Variants in MYBPC3 observed in about 807,000 individuals in gnomAD.
MYBPC3 encodes myosin binding protein C3, also known as myosin-binding protein C, cardiac-type.
Under a neutral mutation model 159.3 loss-of-function variants are expected in MYBPC3, and 108 were observed. The observed-to-expected ratio is 0.68, with a 90% CI of 0.58 to 0.80. The LOEUF is 0.80. Among genes scored for constraint, MYBPC3 ranks in the 30% least tolerant of loss-of-function variants. The probability of loss-of-function intolerance (pLI) is 0.00; values close to 1 mark genes in which losing one functional copy is unlikely to be tolerated. For synonymous variants in MYBPC3, 730 were observed against 702.0 expected, an observed-to-expected ratio of 1.04 and a Z score of -0.63; for missense variants, 1,631 against 1,762.1, an observed-to-expected ratio of 0.93 and a Z score of 1.33.
intron 26 of MYBPC3, 46 bp from the exon 27 acceptor site, chr11:47,335,255 T>A: frequency 1.4e-6 from 2 of 1,470,464 alleles, no homozygotes; most frequent in Non-Finnish European, 1.8e-6. Flanking sequence ...GTGTCACCAC[T>A]GACACCCCAC....
intron 33 of MYBPC3, 40 bp from the exon 34 acceptor site, chr11:47,331,921 T>G: frequency 6.2e-7 from 1 of 1,606,310 alleles, no homozygotes; most frequent in Middle Eastern, 1.8e-4. Flanking sequence ...CCTCCCAGCC[T>G]TCTGGAAGCT....
chr11:47,341,509 A>G lies in MYBPC3; in HGVS notation c.1791-265T>C, dbSNP rs139891803. Among the ~76,000 whole-genome samples, 189 of 152,224 alleles carry G rather than the reference A, an allele frequency of 1.2e-3. 1 individual carries two copies. The highest frequency in any genetic ancestry group is 4.0e-3 in the African/African-American group (168 of 41,532). On this transcript the variant is annotated intron_variant, in intron 18 of 34. Transcript: ENST00000545968. Reference sequence around the variant, plus strand: ...GACTGGGCAGGGGCTGGGTCTCATTAATCTCTGTGAACTTGGGCCCAGCAC... The same window carrying G: ...GACTGGGCAGGGGCTGGGTCTCATTGATCTCTGTGAACTTGGGCCCAGCAC...
At chr11:47,348,600 G>C (rs1459921821) in intron 5 of MYBPC3, 59 bp from the exon 6 acceptor site, 11 of 1,395,392 alleles carry the variant, frequency 7.9e-6, no homozygotes, top group African/African-American at 1.4e-5. Context: ...ACAAGGCTCC[G>C]CACCCTTAAA....
Position 47,335,895 on chromosome 11 carries a change from C to G in MYBPC3, c.2719G>C (p.Glu907Gln), listed in dbSNP as rs1555120920. 6.5e-7 allele frequency: 1 copy of G among 1,534,672 alleles called. No homozygotes were observed. Among genetic ancestry groups the G allele is most frequent in the Non-Finnish European group, 8.8e-7 (1 of 1,138,554 alleles). The part of the protein sequence containing the change: ...GAGGLDGYSV[E>Q]YCPEGCSEWV... The stretch of plus-strand genomic sequence containing the variant: ...CACTCACAGCCCTCTGGGCAGTACT[C>G]CACGCTGTAGCCATCCAGGCCTCCT... Residue 907 changes from glutamate (E) to glutamine (Q), a missense_variant, in exon 26 of 35, where the codon GAG (glutamate) becomes CAG (glutamine). By Grantham distance (29) the Glu-to-Gln change is conservative. Coordinates refer to ENST00000545968, the MANE Select transcript of MYBPC3 (RefSeq NM_000256.3).
rs952861318 is a variant in MYBPC3, at chr11:47,338,425, C to T, written c.2308+95G>A. 150 of 1,556,268 alleles carry T rather than the reference C, an allele frequency of 9.6e-5. No individual in the cohort carries two copies. In the African/African-American group the frequency reaches 1.6e-3, roughly 17 times the overall value. On this transcript the variant is annotated intron_variant, in intron 23 of 34. Transcript: ENST00000545968. This position sits in a 1 kb window ranked among gnomAD's most constrained non-coding sequence, Gnocchi z 4.7. ...TGCCGCTCGGCTCAGGGAGCATGCC[C>T]GTGATGTTTGTCGAGTGGCTGAATG...
At chr11:47,343,394 C>T in intron 13 of MYBPC3, 98 bp downstream of exon 13, 1 of 1,489,570 alleles carries the variant, frequency 6.7e-7, no homozygotes, top group African/African-American at 1.4e-5. Context: ...GGCTGAGAGC[C>T]ACACCGAGTC....
chr11:47,350,376 C>T (rs1218503294), intron 3 of MYBPC3, 126 bp downstream of exon 3: 60 of 1,455,040 alleles, frequency 4.1e-5, no homozygotes, highest in Non-Finnish European at 2.8e-5. Flanking sequence ...CCGCCCACCT[C>T]GGCCTCCCAA....
chr11:47,350,392 T>C, intron 3 of MYBPC3, 110 bp downstream of exon 3: 1 of 1,501,698 alleles, frequency 6.7e-7, no homozygotes, highest in Non-Finnish European at 8.9e-7. Context: ...CCCAAAGTAC[T>C]GGGGATTATA....
chr11:47,344,464 C>T (rs2095892294), intron 12 of MYBPC3, among the ~76,000 whole-genome samples: 1 of 152,208 alleles, frequency 6.6e-6, no homozygotes, highest in Non-Finnish European at 1.5e-5. Context: ...TTGAGCCCAG[C>T]CCTGCTCCAC....
intron 12 of MYBPC3, among the ~76,000 whole-genome samples, chr11:47,343,829 G>C (rs11570070): frequency 2.0e-5 from 3 of 152,130 alleles, no homozygotes; most frequent in Non-Finnish European, 4.4e-5. Context: ...TGCTCTGTTG[G>C]CCAGGCTGGA....
Position 47,348,543 on chromosome 11 carries a change from T to G in MYBPC3, c.655-2A>C, listed in dbSNP as rs1219818351. ...GATGTGCAGCTCGAACAGATAGACCTGTGTGCATGGAGGGACGGGGCGTCA... is the reference window on the plus strand; with the variant it reads ...GATGTGCAGCTCGAACAGATAGACCGGTGTGCATGGAGGGACGGGGCGTCA... On this transcript the variant is annotated splice_acceptor_variant, in intron 5 of 34. Transcript: ENST00000545968. LOFTEE classifies it high-confidence loss of function. The G allele has an allele frequency of 1.2e-6, 2 of 1,608,582 alleles. No individual in the cohort carries two copies.
In MYBPC3 at chr11:47,332,397, A is replaced by G. The variant is rs1447265297; in HGVS notation, c.3628-139T>C. 7.0e-7 allele frequency: 1 copy of G among 1,420,014 alleles called. No homozygotes were observed. Among genetic ancestry groups the G allele is most frequent in the Non-Finnish European group, 9.7e-7 (1 of 1,032,326 alleles). The allele number at this position is 1,420,014 out of a possible 1,614,324, so 88.0% of individuals were successfully genotyped here. ...ACTATGCCCAAGGCTGGAAACAAAC[A>G]TGGAACCAAGAGTGAGTACCATGGC... is the stretch of plus-strand genomic sequence containing the variant. On this transcript the variant is annotated intron_variant, in intron 32 of 34. Coordinates refer to ENST00000545968, the MANE Select transcript of MYBPC3 (RefSeq NM_000256.3). The surrounding 1 kb of genome is among the most constrained non-coding windows in gnomAD (Gnocchi z 4.2).
Position 47,351,557 on chromosome 11 carries a change from G to A in MYBPC3, c.26-52C>T, listed in dbSNP as rs1439535342. On this transcript the variant is annotated intron_variant, in intron 1 of 34. Transcript: ENST00000545968. This position sits in a 1 kb window ranked among gnomAD's most constrained non-coding sequence, Gnocchi z 4.2. ...GGCCCCTGGTTGGAGCGTGCACCCC[G>A]CCCCTGCAGCCCCTCTCAGTAAATA... 13 of 1,493,938 alleles carry A rather than the reference G, an allele frequency of 8.7e-6. No individual in the cohort carries two copies. The highest frequency in any genetic ancestry group is 4.0e-5 in the South Asian group (3 of 75,112). 92.5% of individuals were successfully genotyped at this position (1,493,938 alleles called of 1,614,324 possible). A position where few individuals can be genotyped will look rare whatever the true frequency, so the allele number is the denominator to read the frequency against.
intron 9 of MYBPC3, 94 bp downstream of exon 9, chr11:47,347,332 G>A: frequency 6.5e-7 from 1 of 1,548,946 alleles, no homozygotes; most frequent in Non-Finnish European, 8.7e-7. Flanking sequence ...GAGGTGCAGT[G>A]TTGTGCTCAG....
chr11:47,344,514 T>C (rs1410549873), intron 12 of MYBPC3, among the ~76,000 whole-genome samples: 1 of 152,134 alleles, frequency 6.6e-6, no homozygotes, highest in African/African-American at 2.4e-5. Context: ...TAAAAGCCCA[T>C]GTTGCTGCTG....
Position 47,349,912 on chromosome 11 carries a change from G to A in MYBPC3, c.516C>T (p.Ile172=), listed in dbSNP as rs2095898660. The change falls in exon 5 of 35, where the codon ATC becomes ATT. Residue 172 remains isoleucine (I), a synonymous_variant. Transcript: ENST00000545968. The part of the protein sequence containing the change: ...QDGEVTVGGS[I]TFSARVAGAS... ...CGCCGGCCACGCGGGCTGAGAAGGTGATGCTGCCACCTGCAAAGGCAGGGG... is the reference window on the plus strand; with the variant it reads ...CGCCGGCCACGCGGGCTGAGAAGGTAATGCTGCCACCTGCAAAGGCAGGGG... 6.3e-7 allele frequency: 1 copy of A among 1,597,492 alleles called. No individual in the cohort carries two copies. The highest frequency in any genetic ancestry group is 8.5e-7 in the Non-Finnish European group (1 of 1,173,134).
intron 5 of MYBPC3, among the ~76,000 whole-genome samples, chr11:47,349,061 G>C (rs2095897639): frequency 6.6e-6 from 1 of 151,474 alleles, no homozygotes; most frequent in Admixed American, 6.6e-5. Flanking sequence ...GCACATGGTT[G>C]TGGTGAAATA....
At chr11:47,348,967 G>A (rs1298536491) in intron 5 of MYBPC3, among the ~76,000 whole-genome samples, 5 of 124,186 alleles carry the variant, frequency 4.0e-5, no homozygotes, top group African/African-American at 1.5e-4. Flanking sequence ...ATCGATCTTC[G>A]CACCCTCAGG....
intron 8 of MYBPC3, 78 bp downstream of exon 8, chr11:47,347,573 T>C: frequency 6.4e-7 from 1 of 1,557,044 alleles, no homozygotes; most frequent in Admixed American, 1.9e-5. Context: ...AAAGGGACAC[T>C]AGCCAGATTG....
Sources: allele counts gnomAD v4.1 joint callset (sites outside exome capture counted in the v4.1 genomes callset), GRCh38; gene constraint gnomAD v4.1.1; non-coding constraint Gnocchi (gnomAD v3.1); transcripts MANE v1.5; gene names NCBI Gene and HGNC (gene_info 2026-07-23, HGNC 2026-07-21).